The following TSC1 variants were observed in gnomAD, a reference collection of about 807,000 sequenced individuals.
TSC1 encodes TSC complex subunit 1.
Under a neutral mutation model 124.3 loss-of-function variants are expected in TSC1, and 20 were observed. The ratio of observed to expected loss-of-function variants is 0.16; its 90% CI spans 0.11 to 0.23. The LOEUF (loss-of-function observed/expected upper bound fraction) is 0.23. Among genes scored for constraint, TSC1 ranks in the 10% least tolerant of loss-of-function variants. TSC1 has a pLI of 1.00. For synonymous variants in TSC1, 493 were observed against 539.1 expected (o/e 0.91, Z 1.19); for missense variants, 1,124 against 1,448.5 (o/e 0.78, Z 3.64).
intron 3 of TSC1, among the ~76,000 whole-genome samples, chr9:132,927,555 A>G (rs1846951349): frequency 8.8e-6 from 1 of 113,492 alleles, no homozygotes. Context: ...ATGGAGTCTC[A>G]CTCTGTTGCC....
At chr9:132,928,635 A>G in intron 3 of TSC1, 132 bp downstream of exon 3, 1 of 1,113,342 alleles carries the variant, frequency 9.0e-7, no homozygotes, top group South Asian at 1.4e-5. Flanking sequence ...AAACACATAT[A>G]GATACTCTCT....
chr9:132,943,400 C>G (rs936719094), intron 1 of TSC1: 5 of 152,158 alleles, frequency 3.3e-5, no homozygotes, highest in African/African-American at 1.2e-4. Context: ...AAGTGCATCC[C>G]CCCACTTCAA....
At position 132,903,960 on chromosome 9, in the gene TSC1, C is replaced by G; in HGVS notation, c.2042-143G>C. On this transcript the variant is annotated intron_variant, in intron 16 of 22. Coordinates refer to ENST00000298552, the MANE Select transcript of TSC1 (RefSeq NM_000368.5). This position sits in a 1 kb window ranked among gnomAD's most constrained non-coding sequence, Gnocchi z 5.9. ...CTCTTTGCAAATGACCACTTGACTC[C>G]CAGCAACAGCAGGGGGGAAAGTATG... 1.1e-6 allele frequency: 1 copy of G among 946,390 alleles called. No individual in the cohort carries two copies. Among genetic ancestry groups the G allele is most frequent in the Non-Finnish European group, 1.6e-6 (1 of 612,828 alleles). The allele number at this position is 946,390 out of a possible 1,614,324, so 58.6% of individuals were successfully genotyped here.
In TSC1 at chr9:132,927,271, T is replaced by C; in HGVS notation, c.140A>G (p.Asp47Gly). ...CTGAGAGCTGGTTTCCAGGTAATAA[T>C]CCACCAAGGTGTTTACAAGCATAGG... ...RGPMLVNTLV[D>G]YYLETSSQPA... The change falls in exon 4 of 23, where the codon GAT (aspartate) becomes GGT (glycine). Residue 47 changes from aspartate (D) to glycine (G), a missense_variant. Around this residue, in one of 5 missense-constraint regions of TSC1, gnomAD observed 463 missense variants for 606.8 expected, o/e 0.76. Coordinates refer to ENST00000298552, the MANE Select transcript of TSC1 (RefSeq NM_000368.5). 1.2e-6 allele frequency: 2 copies of C among 1,613,956 alleles called. No homozygotes were observed. Among genetic ancestry groups the C allele is most frequent in the Non-Finnish European group, 8.5e-7 (1 of 1,179,908 alleles).
intron 20 of TSC1, among the ~76,000 whole-genome samples, chr9:132,898,162 G>A (rs1845186083): frequency 6.6e-6 from 1 of 152,210 alleles, no homozygotes; most frequent in Non-Finnish European, 1.5e-5. Flanking sequence ...TAGCGCAGGT[G>A]AGGCTACAGA....
intron 12 of TSC1, chr9:132,910,136 CA>C (rs74489004): frequency 0.046 from 9,231 of 200,662 alleles, no homozygotes; most frequent in South Asian, 0.081. Flanking sequence ...TCATCTCCAC[CA>C]AAAAAAAAAA....
rs781483110 is a variant in TSC1, at chr9:132,927,243, C to T, written c.168G>A (p.Pro56=). The stretch of plus-strand genomic sequence containing the variant: ...GCAAGGTGGTCAGGATGTGCAATGC[C>T]GGCTGAGAGCTGGTTTCCAGGTAAT... The part of the protein sequence containing the change: ...VDYYLETSSQ[P]ALHILTTLQE... The change falls in exon 4 of 23, where the codon CCG becomes CCA. Residue 56 remains proline (P), a synonymous_variant. Coordinates refer to ENST00000298552, the MANE Select transcript of TSC1 (RefSeq NM_000368.5). 18 of 1,613,874 alleles carry T rather than the reference C, an allele frequency of 1.1e-5. No homozygotes were observed. The highest frequency in any genetic ancestry group is 2.7e-5 in the African/African-American group (2 of 74,904).
At chr9:132,899,725 CA>C (rs1456192224) in intron 20 of TSC1, 1 of 152,180 alleles carries the variant, frequency 6.6e-6, no homozygotes, top group Non-Finnish European at 1.5e-5. Flanking sequence ...AACTGGGAAA[CA>C]GGGCCCCATG....
chr9:132,935,722 C>T (rs1315043625), intron 1 of TSC1, among the ~76,000 whole-genome samples: 1 of 152,186 alleles, frequency 6.6e-6, no homozygotes, highest in Non-Finnish European at 1.5e-5. Flanking sequence ...CACCTTGACT[C>T]ACTGGCCTTT....
Position 132,921,508 on chromosome 9 carries a change from T to C in TSC1, c.664-72A>G. ...AACATCCAAATGATGGAATATTAGT[T>C]GACAATTAAAAGGAATGAAGTACTG... On this transcript the variant is annotated intron_variant, in intron 7 of 22. Transcript: ENST00000298552. The surrounding 1 kb of genome is among the most constrained non-coding windows in gnomAD (Gnocchi z 4.3). 1 of 1,548,392 alleles carries C rather than the reference T, an allele frequency of 6.5e-7. No individual in the cohort carries two copies. Among genetic ancestry groups the C allele is most frequent in the Non-Finnish European group, 8.9e-7 (1 of 1,121,514 alleles).
chr9:132,927,300 A>G lies in TSC1; in HGVS notation c.111T>C (p.Arg37=), dbSNP rs966292723. 6 of 1,613,684 alleles carry G rather than the reference A, an allele frequency of 3.7e-6. No individual in the cohort carries two copies. Among genetic ancestry groups the G allele is most frequent in the Non-Finnish European group, 5.1e-6 (6 of 1,179,794 alleles). The change falls in exon 4 of 23, where the codon CGT becomes CGC. Residue 37 remains arginine, a synonymous_variant. Transcript: ENST00000298552. The stretch of plus-strand genomic sequence containing the variant: ...CCAAGGTGTTTACAAGCATAGGGCC[A>G]CGGTCTAAATCAAGAAAAGGGCAAT... The part of the protein sequence containing the change: ...AVFKENLNSD[R]GPMLVNTLVD...
chr9:132,904,345 A>G lies in TSC1; in HGVS notation c.2041+66T>C, dbSNP rs926535668. Reference sequence around the variant, plus strand: ...TTCCCAGAGGGCACCTCCTTCAAGGACAGAAAGGGCAACAAGCAAGCAGGA... The same window carrying G: ...TTCCCAGAGGGCACCTCCTTCAAGGGCAGAAAGGGCAACAAGCAAGCAGGA... On this transcript the variant is annotated intron_variant, in intron 16 of 22. Coordinates refer to ENST00000298552, the MANE Select transcript of TSC1 (RefSeq NM_000368.5). 6.3e-6 allele frequency: 10 copies of G among 1,580,060 alleles called. No homozygotes were observed. The African/African-American group carries it at 1.3e-4, about 21-fold the overall frequency.
chr9:132,897,599 C>G lies in TSC1; in HGVS notation c.2637G>C (p.Met879Ile), dbSNP rs1554813610. Residue 879 changes from methionine (M) to isoleucine (I), a missense_variant, in exon 21 of 23, where the codon ATG (methionine) becomes ATC (isoleucine). Met to Ile is a conservative substitution (Grantham distance 10). This residue lies in a region of TSC1 where 325 missense variants were observed against 383.4 expected (regional missense o/e 0.85). Transcript: ENST00000298552. ...GCTCTTTCCGATAGGCGGCTTTCAT[C>G]ATTTCTACTTCCTGAAAAAAAAAAA... is the stretch of plus-strand genomic sequence containing the variant. ...KHSDTTKEVEMMKAAYRKELE... is the reference protein window; with the variant it reads ...KHSDTTKEVEIMKAAYRKELE... 1.9e-6 allele frequency: 2 copies of G among 1,027,522 alleles called. No homozygotes were observed. Among genetic ancestry groups the G allele is most frequent in the Non-Finnish European group, 2.8e-6 (2 of 718,978 alleles). The allele number at this position is 1,027,522 out of a possible 1,614,324, so 63.7% of individuals were successfully genotyped here. A position where few individuals can be genotyped will look rare whatever the true frequency, so the allele number is the denominator to read the frequency against.
chr9:132,942,929 A>G (rs778893224), intron 1 of TSC1, among the ~76,000 whole-genome samples: 1 of 151,990 alleles, frequency 6.6e-6, no homozygotes, highest in Non-Finnish European at 1.5e-5. Context: ...ATGACTGTTA[A>G]AGGTGCATTT....
chr9:132,940,768 TTAC>T (rs1679574345), intron 1 of TSC1: 1 of 152,194 alleles, frequency 6.6e-6, no homozygotes, highest in African/African-American at 2.4e-5. Context: ...TATAACAATA[TTAC>T]TACTTCACAA....
chr9:132,933,182 C>T (rs1423975312), intron 2 of TSC1, among the ~76,000 whole-genome samples: 1 of 152,238 alleles, frequency 6.6e-6, no homozygotes, highest in Non-Finnish European at 1.5e-5. Flanking sequence ...TCTCCTGCCT[C>T]AGCCTCCCGA....
At chr9:132,930,108 T>A (rs1246270159) in intron 2 of TSC1, among the ~76,000 whole-genome samples, 1 of 152,216 alleles carries the variant, frequency 6.6e-6, no homozygotes, top group Non-Finnish European at 1.5e-5. Flanking sequence ...AGCTTCAATG[T>A]GCATCGAAAC....
chr9:132,903,317 C>T lies in TSC1; in HGVS notation c.2208+334G>A, dbSNP rs538068024. 6.6e-6 allele frequency among the ~76,000 whole-genome samples: 1 copy of T among 152,330 alleles called. No homozygotes were observed. The highest frequency in any genetic ancestry group is 1.9e-4 in the East Asian group (1 of 5,190). On this transcript the variant is annotated intron_variant, in intron 17 of 22. Transcript: ENST00000298552. This position sits in a 1 kb window ranked among gnomAD's most constrained non-coding sequence, Gnocchi z 5.9. ...CTCCAGGCCTGACTGGCTTCACACC[C>T]GCTGTACAATACACGCTTCAGTTTT...
intron 2 of TSC1, among the ~76,000 whole-genome samples, chr9:132,933,144 C>A (rs1847287851): frequency 6.6e-6 from 1 of 152,234 alleles, no homozygotes. Context: ...TGGCCCACTG[C>A]AACCTCCATC....
Sources: allele counts gnomAD v4.1 joint callset (sites outside exome capture counted in the v4.1 genomes callset), GRCh38; gene constraint gnomAD v4.1.1; regional missense constraint gnomAD v4.1.1; non-coding constraint Gnocchi (gnomAD v3.1); transcripts MANE v1.5; gene names NCBI Gene and HGNC (gene_info 2026-07-23, HGNC 2026-07-21).